Variants in NTM observed in about 807,000 individuals in gnomAD.
NTM encodes the protein neurotrimin, also known as IgLON family member 2.
A neutral mutation model predicts 42.1 loss-of-function variants in NTM; 13 were observed. The observed-to-expected ratio is 0.31, with a 90% CI of 0.20 to 0.49. The LOEUF is 0.49. Ranked by LOEUF, NTM falls within the 20% of genes least tolerant of loss-of-function variation. The pLI, the probability that NTM is intolerant of heterozygous loss-of-function variation, is 0.99. For missense variants in NTM, 373 were observed against 452.8 expected (o/e 0.82, Z 1.60); for synonymous variants, 187 against 179.2 (o/e 1.04, Z -0.35).
At chr11:131,780,675 C>T (rs1037380743) in intron 1 of NTM, among the ~76,000 whole-genome samples, 7 of 152,164 alleles carry the variant, frequency 4.6e-5, no homozygotes, top group African/African-American at 1.7e-4. Flanking sequence ...GATTTTCCCT[C>T]TTCCACCTTA....
At chr11:131,725,269 A>G (rs1432507085) in intron 1 of NTM, among the ~76,000 whole-genome samples, 1 of 152,002 alleles carries the variant, frequency 6.6e-6, no homozygotes, top group Non-Finnish European at 1.5e-5. Context: ...TTAATGAACA[A>G]AATAGAAAAA....
Position 132,146,788 on chromosome 11 carries a change from C to G in NTM, c.400+274C>G. Reference sequence around the variant, plus strand: ...AATTATTGCTCTTCTTGGCTTTTTTCTCCCCTAAGTTTTAGTTATTTTTGT... The same window carrying G: ...AATTATTGCTCTTCTTGGCTTTTTTGTCCCCTAAGTTTTAGTTATTTTTGT... On this transcript the variant is annotated intron_variant, in intron 3 of 8. Transcript: ENST00000683400. This position sits in a 1 kb window ranked among gnomAD's most constrained non-coding sequence, Gnocchi z 4.5. 1 of 422,230 alleles carries G rather than the reference C, an allele frequency of 2.4e-6. No homozygotes were observed. 26.2% of individuals were successfully genotyped at this position (422,230 alleles called of 1,614,324 possible).
intron 3 of NTM, among the ~76,000 whole-genome samples, chr11:132,183,676 C>A (rs2077946064): frequency 6.6e-6 from 1 of 152,124 alleles, no homozygotes. Flanking sequence ...TTCTCTAGGT[C>A]TACCTGGTCA....
At chr11:131,753,334 G>T (rs923810649) in intron 1 of NTM, among the ~76,000 whole-genome samples, 4 of 151,760 alleles carry the variant, frequency 2.6e-5, no homozygotes, top group African/African-American at 9.7e-5. Context: ...TCAGTGTGGC[G>T]ATTCCTCAGG....
intron 4 of NTM, among the ~76,000 whole-genome samples, chr11:132,273,097 GT>G (rs201014714): frequency 1.3e-5 from 2 of 151,502 alleles, no homozygotes; most frequent in African/African-American, 4.8e-5. Flanking sequence ...TTTGTTGTGT[GT>G]TTTTTTTATC....
chr11:131,760,371 A>C (rs2083964345), intron 1 of NTM, among the ~76,000 whole-genome samples: 1 of 152,116 alleles, frequency 6.6e-6, no homozygotes, highest in Admixed American at 6.6e-5. Context: ...GTATGTTGTA[A>C]GGGAAAAAAG....
At chr11:132,125,950 A>G (rs1486941617) in intron 2 of NTM, among the ~76,000 whole-genome samples, 2 of 151,466 alleles carry the variant, frequency 1.3e-5, no homozygotes, top group Non-Finnish European at 2.9e-5. Context: ...AGAGAGATCA[A>G]CAGGGGTCCC....
intron 1 of NTM, among the ~76,000 whole-genome samples, chr11:131,727,313 A>T (rs1310925834): frequency 6.6e-6 from 1 of 152,228 alleles, no homozygotes; most frequent in African/African-American, 2.4e-5. Context: ...TTTTAAATAT[A>T]TCTTAAAAGT....
chr11:131,479,463 G>A (rs561339082), intron 1 of NTM, among the ~76,000 whole-genome samples: 4 of 152,174 alleles, frequency 2.6e-5, no homozygotes, highest in Non-Finnish European at 5.9e-5. Flanking sequence ...AAGAAGGAAT[G>A]GTGAGAAAGG....
intron 5 of NTM, among the ~76,000 whole-genome samples, chr11:132,309,884 C>T (rs956087173): frequency 3.9e-5 from 6 of 151,990 alleles, no homozygotes; most frequent in Non-Finnish European, 7.4e-5. Context: ...GGTGAAACCC[C>T]GTCGCTGCTA....
At chr11:131,691,966 C>T (rs1298749758) in intron 1 of NTM, among the ~76,000 whole-genome samples, 1 of 152,194 alleles carries the variant, frequency 6.6e-6, no homozygotes, top group African/African-American at 2.4e-5. Context: ...AGCTGGACCC[C>T]CTCCTGGATG....
At chr11:131,939,432 G>T (rs183058867) in intron 2 of NTM, among the ~76,000 whole-genome samples, 261 of 152,254 alleles carry the variant, frequency 1.7e-3, no homozygotes, top group Non-Finnish European at 3.0e-3. Flanking sequence ...AAGAAAAAAA[G>T]ATGGTAGTAA....
intron 2 of NTM, among the ~76,000 whole-genome samples, chr11:132,023,753 TTTG>T (rs896284044): frequency 1.5e-4 from 23 of 151,188 alleles, no homozygotes; most frequent in Admixed American, 4.0e-4. Context: ...TGGTGGTGGT[TTTG>T]TTGTTGGTGG....
chr11:132,153,159 C>T (rs751232716), intron 3 of NTM, among the ~76,000 whole-genome samples: 2 of 152,212 alleles, frequency 1.3e-5, no homozygotes, highest in Non-Finnish European at 2.9e-5. Flanking sequence ...GGAGTCTTGG[C>T]TGCTTCTGAG....
Position 132,104,864 on chromosome 11 carries a change from CACTGTAATT to C in NTM, c.168-41405_168-41397del, listed in dbSNP as rs922584645. ...AGGCTGCAGTGAGCTGTGATTGTGG[CACTGTAATT>C]ACTGTAATTACTCCAGCCTGAGTAA... On this transcript the variant is annotated intron_variant, in intron 2 of 8. Coordinates refer to ENST00000683400, the MANE Select transcript of NTM (RefSeq NM_001352005.2). 2.7e-4 allele frequency among the ~76,000 whole-genome samples: 39 copies of C among 145,288 alleles called. No individual in the cohort carries two copies. In the East Asian group the frequency reaches 6.1e-3, roughly 23 times the overall value.
intron 1 of NTM, among the ~76,000 whole-genome samples, chr11:131,741,129 C>T (rs1217616758): frequency 6.6e-6 from 1 of 150,830 alleles, no homozygotes; most frequent in Non-Finnish European, 1.5e-5. Context: ...TGCACCACTG[C>T]ACTCCAGCCT....
At chr11:131,869,107 T>C (rs1406428599) in intron 1 of NTM, among the ~76,000 whole-genome samples, 1 of 151,916 alleles carries the variant, frequency 6.6e-6, no homozygotes, top group East Asian at 1.9e-4. Flanking sequence ...CCCCCCGCAA[T>C]GTGCCTTCAG....
At chr11:132,162,862 G>C (rs928795486) in intron 3 of NTM, among the ~76,000 whole-genome samples, 2 of 151,990 alleles carry the variant, frequency 1.3e-5, no homozygotes, top group African/African-American at 4.8e-5. Flanking sequence ...AGTGCTTGGT[G>C]GGGGAGGAGG....
In NTM at chr11:131,773,215, C is replaced by T. The variant is rs539813653; in HGVS notation, c.83-138349C>T. 3.3e-5 allele frequency among the ~76,000 whole-genome samples: 5 copies of T among 152,234 alleles called. No individual in the cohort carries two copies. The South Asian group carries it at 1.0e-3, about 32-fold the overall frequency. On this transcript the variant is annotated intron_variant, in intron 1 of 8. Coordinates refer to ENST00000683400, the MANE Select transcript of NTM (RefSeq NM_001352005.2). Reference sequence around the variant, plus strand: ...CTTGTTGCTGTGTCCTCCGGAGGGGCCAAGGCTGTGTCCTCACATGGTGTA... The same window carrying T: ...CTTGTTGCTGTGTCCTCCGGAGGGGTCAAGGCTGTGTCCTCACATGGTGTA...
Sources: gnomAD v4.1 joint callset for allele counts (sites outside exome capture counted in the v4.1 genomes callset) on GRCh38, gnomAD v4.1.1 for gene constraint, Gnocchi (gnomAD v3.1) non-coding constraint, MANE v1.5 for transcripts, NCBI Gene and HGNC (gene_info 2026-07-23, HGNC 2026-07-21) for gene names.